The following MGAT4C variants were observed in gnomAD, a reference collection of about 807,000 sequenced individuals.
MGAT4C encodes MGAT4 family member C, also known as alpha-1,3-mannosyl-glycoprotein 4-beta-N-acetylglucosaminyltransferase C.
A neutral mutation model predicts 40.1 loss-of-function variants in MGAT4C; 19 were observed. The ratio of observed to expected loss-of-function variants is 0.47; its 90% CI spans 0.33 to 0.70. The LOEUF (loss-of-function observed/expected upper bound fraction) is 0.70. MGAT4C is among the 30% of genes least tolerant of loss of function. The pLI is 0.02. For missense variants in MGAT4C, 491 were observed against 563.2 expected (o/e 0.87, Z 1.30); for synonymous variants, 181 against 187.1 (o/e 0.97, Z 0.27).
At chr12:86,700,241 A>T (rs920795383) in intron 2 of MGAT4C, among the ~76,000 whole-genome samples, 2 of 151,912 alleles carry the variant, frequency 1.3e-5, no homozygotes, top group Non-Finnish European at 2.9e-5. Context: ...CTGATGCATA[A>T]TTTTTCTGGC....
chr12:86,192,829 T>C (rs2135907502), intron 1 of MGAT4C, among the ~76,000 whole-genome samples: 1 of 152,334 alleles, frequency 6.6e-6, no homozygotes, highest in South Asian at 2.1e-4. Flanking sequence ...TTTTTAGTTA[T>C]ATCAAATTTT....
chr12:86,094,124 G>A (rs1873436315), intron 1 of MGAT4C, among the ~76,000 whole-genome samples: 1 of 152,116 alleles, frequency 6.6e-6, no homozygotes, highest in African/African-American at 2.4e-5. Context: ...TGATGCAAGT[G>A]AGAGTTCAAT....
At chr12:86,591,706 T>C (rs760445910) in intron 2 of MGAT4C, among the ~76,000 whole-genome samples, 138 of 151,694 alleles carry the variant, frequency 9.1e-4, no homozygotes, top group Non-Finnish European at 1.7e-3. Flanking sequence ...GCAATAGATA[T>C]ACAAATGTTC....
intron 4 of MGAT4C, among the ~76,000 whole-genome samples, chr12:86,274,235 C>G (rs1307287648): frequency 2.0e-5 from 3 of 152,236 alleles, no homozygotes; most frequent in African/African-American, 7.2e-5. Flanking sequence ...GAATCACCTC[C>G]AAGATCCAAT....
intron 2 of MGAT4C, among the ~76,000 whole-genome samples, chr12:86,478,592 T>C (rs1344442333): frequency 1.3e-5 from 2 of 152,116 alleles, no homozygotes; most frequent in Non-Finnish European, 2.9e-5. Context: ...AATTCAGGTT[T>C]TTCTGTTGTT....
At chr12:86,397,159 T>C (rs1403918373) in intron 3 of MGAT4C, among the ~76,000 whole-genome samples, 1 of 152,174 alleles carries the variant, frequency 6.6e-6, no homozygotes, top group Non-Finnish European at 1.5e-5. Flanking sequence ...AATATTCACA[T>C]TTCAGCAAAA....
intron 2 of MGAT4C, among the ~76,000 whole-genome samples, chr12:86,606,241 C>A (rs1962042390): frequency 6.6e-6 from 1 of 152,012 alleles, no homozygotes; most frequent in African/African-American, 2.4e-5. Flanking sequence ...CAAAGCTTAA[C>A]CGTATCAGCA....
intron 2 of MGAT4C, among the ~76,000 whole-genome samples, chr12:86,046,604 T>G (rs137939857): frequency 1.3e-5 from 2 of 152,238 alleles, no homozygotes; most frequent in African/African-American, 4.8e-5. Context: ...ACCTATAGAC[T>G]CATGGGGCAA....
intron 2 of MGAT4C, among the ~76,000 whole-genome samples, chr12:86,616,022 C>A (rs1222827451): frequency 1.3e-5 from 2 of 152,086 alleles, no homozygotes; most frequent in Admixed American, 6.5e-5. Context: ...CTACAAAATT[C>A]TAGTCAGTTG....
chr12:86,191,186 C>T (rs895665561), intron 1 of MGAT4C, among the ~76,000 whole-genome samples: 7 of 150,788 alleles, frequency 4.6e-5, no homozygotes, highest in Admixed American at 1.3e-4. Flanking sequence ...AATTTTGGTG[C>T]TGGGAATGGT....
At chr12:86,081,422 T>A (rs1057164261) in intron 1 of MGAT4C, among the ~76,000 whole-genome samples, 1 of 152,154 alleles carries the variant, frequency 6.6e-6, no homozygotes. Flanking sequence ...TAATCTCCTA[T>A]AGATGCTGTT....
intron 1 of MGAT4C, among the ~76,000 whole-genome samples, chr12:86,150,116 A>G (rs990501712): frequency 1.3e-5 from 2 of 152,208 alleles, no homozygotes; most frequent in African/African-American, 4.8e-5. Context: ...TTAGATTCTC[A>G]TAAGAAGTAC....
chr12:86,531,097 T>G (rs909143141), intron 2 of MGAT4C, among the ~76,000 whole-genome samples: 1 of 152,020 alleles, frequency 6.6e-6, no homozygotes, highest in South Asian at 2.1e-4. Flanking sequence ...TTAGATAAAA[T>G]AGTAGAGCAT....
intron 2 of MGAT4C, among the ~76,000 whole-genome samples, chr12:86,520,812 C>T: frequency 6.7e-6 from 1 of 150,144 alleles, no homozygotes; most frequent in African/African-American, 2.5e-5. Context: ...TTTAAGTTTG[C>T]ATTTCTCAAA....
intron 2 of MGAT4C, among the ~76,000 whole-genome samples, chr12:86,673,808 C>T (rs909780420): frequency 1.1e-4 from 16 of 151,684 alleles, no homozygotes; most frequent in South Asian, 2.1e-4. Flanking sequence ...GACTGTTTGA[C>T]GTATATGGAT....
At chr12:86,151,241 G>A (rs1400849357) in intron 1 of MGAT4C, among the ~76,000 whole-genome samples, 1 of 152,082 alleles carries the variant, frequency 6.6e-6, no homozygotes, top group African/African-American at 2.4e-5. Flanking sequence ...AACCAAGACT[G>A]CTGAGTTAAC....
At chr12:86,542,275 G>A (rs1253575708) in intron 2 of MGAT4C, among the ~76,000 whole-genome samples, 2 of 151,964 alleles carry the variant, frequency 1.3e-5, no homozygotes, top group Admixed American at 6.5e-5. Context: ...TCATGATGTG[G>A]ACTATGCACA....
chr12:86,487,084 A>T (rs1958032777), intron 2 of MGAT4C, among the ~76,000 whole-genome samples: 2 of 152,226 alleles, frequency 1.3e-5, no homozygotes, highest in Admixed American at 1.3e-4. Context: ...AAGAATCAGA[A>T]TAATTATGCT....
At chr12:86,658,973 G>T (rs1963915666) in intron 2 of MGAT4C, among the ~76,000 whole-genome samples, 1 of 151,954 alleles carries the variant, frequency 6.6e-6, no homozygotes, top group South Asian at 2.1e-4. Flanking sequence ...AACACCAGAG[G>T]GAAGACAACA....
Sources: allele counts gnomAD v4.1 joint callset (sites outside exome capture counted in the v4.1 genomes callset), GRCh38; gene constraint gnomAD v4.1.1; transcripts MANE v1.5; gene names NCBI Gene and HGNC (gene_info 2026-07-23, HGNC 2026-07-21).